The following MTA1 variants were observed in gnomAD, a reference collection of about 807,000 sequenced individuals.
The protein encoded by MTA1 is metastasis associated 1.
A neutral mutation model predicts 97.0 loss-of-function variants in MTA1; 15 were observed. The observed-to-expected ratio is 0.15, with a 90% confidence interval of 0.10 to 0.24. The LOEUF is 0.24. MTA1 is among the 10% of genes least tolerant of loss of function. The pLI, the probability that MTA1 is intolerant of heterozygous loss-of-function variation, is 1.00. For missense variants in MTA1, 709 were observed against 1,015.1 expected (o/e 0.70, Z 4.10); for synonymous variants, 435 against 417.5 (o/e 1.04, Z -0.51).
At chr14:105,457,337 C>T (rs1055136466) in intron 7 of MTA1, among the ~76,000 whole-genome samples, 1 of 152,232 alleles carries the variant, frequency 6.6e-6, no homozygotes, top group African/African-American at 2.4e-5. Context: ...TCGTCAGAAA[C>T]CCTCCTGGCC....
At chr14:105,440,120 A>T (rs1555425317) in intron 2 of MTA1, among the ~76,000 whole-genome samples, 1 of 152,114 alleles carries the variant, frequency 6.6e-6, no homozygotes, top group East Asian at 1.9e-4. Context: ...ACAGGCAATG[A>T]CCTGGGTGTC....
chr14:105,429,639 G>C (rs1157066030), intron 1 of MTA1, among the ~76,000 whole-genome samples: 2 of 151,106 alleles, frequency 1.3e-5, no homozygotes, highest in African/African-American at 4.9e-5. Context: ...TTTTTTAGTA[G>C]AGACGGGGTT....
chr14:105,450,062 A>G lies in MTA1; in HGVS notation c.246A>G (p.Glu82=). 6.2e-7 allele frequency: 1 copy of G among 1,613,450 alleles called. No homozygotes were observed. Among genetic ancestry groups the G allele is most frequent in the Non-Finnish European group, 8.5e-7 (1 of 1,179,842 alleles). The stretch of plus-strand genomic sequence containing the variant: ...CAGGGGCTCCTTGTCCTTCAGGGGA[A>G]ATAGAAGAGGAAATGGAGAACCCGG... ...GPGADNGEEG[E]IEEEMENPEM... Residue 82 remains glutamate, a synonymous_variant, in exon 5 of 21, where the codon GAA becomes GAG. Coordinates refer to ENST00000331320, the MANE Select transcript of MTA1 (RefSeq NM_004689.4).
At chr14:105,423,891 G>A (rs181534325) in intron 1 of MTA1, among the ~76,000 whole-genome samples, 17 of 152,368 alleles carry the variant, frequency 1.1e-4, no homozygotes, top group African/African-American at 3.6e-4. Context: ...ACCCTGGAGT[G>A]CTGAGTGCAC....
chr14:105,462,972 CTG>C, intron 10 of MTA1, among the ~76,000 whole-genome samples: 1 of 152,352 alleles, frequency 6.6e-6, no homozygotes, highest in Non-Finnish European at 1.5e-5. Flanking sequence ...CCTGGCGTCA[CTG>C]TGTTTTGGCA....
At chr14:105,449,269 C>T (rs1252277219) in intron 3 of MTA1, 90 bp from the exon 4 acceptor site, 48 of 1,369,526 alleles carry the variant, frequency 3.5e-5, no homozygotes, top group Middle Eastern at 2.0e-4. Context: ...TGCCCCCTGG[C>T]GGCACAGCCC....
In MTA1 at chr14:105,438,674, T is replaced by C; in HGVS notation, c.31T>C (p.Tyr11His). ...ACTCTCTCTGTTGCTGTTTGCAGAC[T>C]ACGTCTACTTTGAGAACTCCTCCAG... MAANMYRVGD[Y>H]VYFENSSSNP... Residue 11 changes from tyrosine to histidine, a missense_variant and splice_region_variant, in exon 2 of 21, where the codon TAC becomes CAC. Physicochemically the swap from Tyr to His is moderately conservative, Grantham distance 83. Around this residue, in one of 2 missense-constraint regions of MTA1, gnomAD observed 321 missense variants for 593.5 expected, o/e 0.54. Transcript: ENST00000331320. 6.2e-7 allele frequency: 1 copy of C among 1,613,534 alleles called. No homozygotes were observed. Among genetic ancestry groups the C allele is most frequent in the Non-Finnish European group, 8.5e-7 (1 of 1,179,856 alleles).
intron 2 of MTA1, among the ~76,000 whole-genome samples, chr14:105,439,014 CT>C (rs2082415322): frequency 6.6e-6 from 1 of 152,174 alleles, no homozygotes; most frequent in South Asian, 2.1e-4. Flanking sequence ...GCTGGGTCCC[CT>C]GAAGATGCCA....
chr14:105,441,267 C>CCG (rs2082503017), intron 2 of MTA1, among the ~76,000 whole-genome samples: 1 of 151,648 alleles, frequency 6.6e-6, no homozygotes, highest in Non-Finnish European at 1.5e-5. Flanking sequence ...TGGGCCCCCC[C>CCG]GCCCCTCTTG....
intron 16 of MTA1, chr14:105,465,528 G>A (rs1183202236): frequency 5.2e-6 from 1 of 192,800 alleles, no homozygotes; most frequent in Non-Finnish European, 1.1e-5. Flanking sequence ...CTGAGGGTCT[G>A]GGGTTTAGGT....
chr14:105,426,999 T>C (rs1555422415), intron 1 of MTA1, among the ~76,000 whole-genome samples: 1 of 152,214 alleles, frequency 6.6e-6, no homozygotes, highest in African/African-American at 2.4e-5. Context: ...GACCTGGCTG[T>C]GGGTGAGCTC....
intron 18 of MTA1, 34 bp from the exon 19 acceptor site, chr14:105,469,433 C>T (rs140223431): frequency 1.2e-5 from 19 of 1,611,910 alleles, no homozygotes; most frequent in Non-Finnish European, 1.4e-5. Flanking sequence ...CGCGCTCTCT[C>T]GGGGCCTCAT....
intron 10 of MTA1, among the ~76,000 whole-genome samples, chr14:105,461,882 C>T (rs1202875622): frequency 1.3e-5 from 2 of 152,164 alleles, no homozygotes; most frequent in Non-Finnish European, 1.5e-5. Flanking sequence ...CTCTCCAAGG[C>T]GGATACGGAT....
At chr14:105,469,683 A>G (rs2141725582) in intron 19 of MTA1, 158 bp from the exon 20 acceptor site, 1 of 1,247,984 alleles carries the variant, frequency 8.0e-7, no homozygotes, top group East Asian at 2.5e-5. Context: ...TGTGCGGCCG[A>G]CCAGCCCTCA....
intron 10 of MTA1, among the ~76,000 whole-genome samples, chr14:105,462,153 G>A (rs1340624235): frequency 6.6e-6 from 1 of 152,276 alleles, no homozygotes; most frequent in East Asian, 1.9e-4. Flanking sequence ...TCCAGGTGCG[G>A]GGATGGGAGG....
At position 105,424,496 on chromosome 14, in the gene MTA1, T is replaced by C. The variant is rs1370716275; in HGVS notation, c.28+4433T>C. On this transcript the variant is annotated intron_variant, in intron 1 of 20. Coordinates refer to ENST00000331320, the MANE Select transcript of MTA1 (RefSeq NM_004689.4). This position sits in a 1 kb window ranked among gnomAD's most constrained non-coding sequence, Gnocchi z 4.0. Reference sequence around the variant, plus strand: ...GATTACAGGCGTGAGCCACTGCGTCTGGCTTTTTTTTTTGTTTTTGAGACA... The same window carrying C: ...GATTACAGGCGTGAGCCACTGCGTCCGGCTTTTTTTTTTGTTTTTGAGACA... Among the ~76,000 whole-genome samples the C allele has an allele frequency of 2.7e-5, 4 of 150,726 alleles. No homozygotes were observed. The highest frequency in any genetic ancestry group is 5.9e-5 in the Non-Finnish European group (4 of 67,872).
At chr14:105,447,514 C>T (rs2082757093) in intron 3 of MTA1, among the ~76,000 whole-genome samples, 4 of 152,288 alleles carry the variant, frequency 2.6e-5, no homozygotes, top group Admixed American at 2.0e-4. Context: ...GGACTCCAGA[C>T]ATAACGTGAT....
Position 105,466,426 on chromosome 14 carries a change from A to AGGGGCCCGGCC in MTA1, c.1626_1627insGGGCCCGGCCG (p.Thr543GlyfsTer15). 6.7e-7 allele frequency: 1 copy of AGGGGCCCGGCC among 1,484,226 alleles called. No individual in the cohort carries two copies. Among genetic ancestry groups the AGGGGCCCGGCC allele is most frequent in the Non-Finnish European group, 9.3e-7 (1 of 1,071,324 alleles). 91.9% of individuals were successfully genotyped at this position (1,484,226 alleles called of 1,614,324 possible). A position where few individuals can be genotyped will look rare whatever the true frequency, so the allele number is the denominator to read the frequency against. On this transcript the variant is annotated frameshift_variant and splice_region_variant, in exon 17 of 21. Transcript: ENST00000331320. LOFTEE classifies it high-confidence loss of function. ...GTTCTGCCTGTGTCATTCCCGGCAG[A>AGGGGCCCGGCC]GACCCACCCCCGCCCCCCCAAGCCT... is the stretch of plus-strand genomic sequence containing the variant.
At chr14:105,449,656 C>A (rs956240633) in intron 4 of MTA1, among the ~76,000 whole-genome samples, 1 of 152,172 alleles carries the variant, frequency 6.6e-6, no homozygotes, top group Non-Finnish European at 1.5e-5. Context: ...TGTCTGGCCA[C>A]GAGATGGGGA....
Sources: allele counts gnomAD v4.1 joint callset (sites outside exome capture counted in the v4.1 genomes callset), GRCh38; gene constraint gnomAD v4.1.1; regional missense constraint gnomAD v4.1.1; non-coding constraint Gnocchi (gnomAD v3.1); transcripts MANE v1.5; gene names NCBI Gene and HGNC (gene_info 2026-07-23, HGNC 2026-07-21).